The following MBP variants were observed in gnomAD, a reference collection of about 807,000 sequenced individuals.
MBP encodes myelin basic protein.
Under a neutral mutation model 35.8 loss-of-function variants are expected in MBP, and 16 were observed. The ratio of observed to expected loss-of-function variants is 0.45; its 90% CI spans 0.30 to 0.68. The LOEUF (loss-of-function observed/expected upper bound fraction) is 0.68, where lower values mean the gene tolerates loss of function less well. Ranked by LOEUF, MBP falls within the 30% of genes least tolerant of loss-of-function variation. The pLI is 0.08. For synonymous variants in MBP, 143 were observed against 159.6 expected, an observed-to-expected ratio of 0.90 and a Z score of 0.78; for missense variants, 380 against 404.7, an observed-to-expected ratio of 0.94 and a Z score of 0.52.
At chr18:77,086,613 G>C (rs956200516) in intron 2 of MBP, among the ~76,000 whole-genome samples, 1 of 152,178 alleles carries the variant, frequency 6.6e-6, no homozygotes, top group African/African-American at 2.4e-5. Flanking sequence ...GGGTTTCTCT[G>C]AGTTATTCAT....
rs141233365 is a variant in MBP at position 77,031,435 on chromosome 18, G to A, written c.140-14167C>T. Among the ~76,000 whole-genome samples the A allele has an allele frequency of 1.9e-3, 285 of 152,252 alleles. 3 individuals carry two copies. The highest frequency in any genetic ancestry group is 0.012 in the East Asian group (64 of 5,174). On this transcript the variant is annotated intron_variant, in intron 3 of 8. Coordinates refer to ENST00000355994, the MANE Select transcript of MBP (RefSeq NM_001025101.2). Reference sequence around the variant, plus strand: ...AGACACCTCCAATTCCCCTACAAGCGCAGATTTCAGGAACACGTGAAGAAA... The same window carrying A: ...AGACACCTCCAATTCCCCTACAAGCACAGATTTCAGGAACACGTGAAGAAA...
At chr18:77,053,753 G>C (rs1055037497) in intron 3 of MBP, among the ~76,000 whole-genome samples, 3 of 152,216 alleles carry the variant, frequency 2.0e-5, no homozygotes, top group African/African-American at 7.2e-5. Flanking sequence ...GCAGGGACGA[G>C]GGGTGTCCCA....
chr18:77,033,577 G>A (rs747068345), intron 3 of MBP, among the ~76,000 whole-genome samples: 28 of 151,674 alleles, frequency 1.8e-4, no homozygotes, highest in Admixed American at 2.6e-4. Context: ...TCATTTACCC[G>A]TCCACATATC....
At chr18:77,093,587 T>C (rs1031401621) in intron 2 of MBP, 7 of 152,214 alleles carry the variant, frequency 4.6e-5, no homozygotes, top group African/African-American at 1.7e-4. Context: ...TCAGGTGTGC[T>C]TTCCACCAAG....
At chr18:77,130,849 G>A (rs1023481097) in intron 1 of MBP, among the ~76,000 whole-genome samples, 2 of 151,448 alleles carry the variant, frequency 1.3e-5, no homozygotes, top group African/African-American at 4.9e-5. Flanking sequence ...TCTTATCTTT[G>A]GGCAGAACTG....
chr18:77,084,900 C>T (rs1008272675), intron 2 of MBP, among the ~76,000 whole-genome samples: 2 of 151,996 alleles, frequency 1.3e-5, no homozygotes, highest in East Asian at 1.9e-4. Context: ...TGGAAGCCAC[C>T]GCTCCATCAG....
At chr18:77,093,650 A>C (rs1975632770) in intron 2 of MBP, among the ~76,000 whole-genome samples, 1 of 152,140 alleles carries the variant, frequency 6.6e-6, no homozygotes, top group South Asian at 2.1e-4. Context: ...AACATTACTG[A>C]CTCAAAACGT....
At chr18:77,029,867 C>T (rs376937317) in intron 3 of MBP, among the ~76,000 whole-genome samples, 3 of 152,014 alleles carry the variant, frequency 2.0e-5, no homozygotes, top group Non-Finnish European at 2.9e-5. Flanking sequence ...AAATTTAGCC[C>T]GGAAACTAAT....
Position 76,979,114 on chromosome 18 carries a change from G to A in MBP, c.*1313C>T, listed in dbSNP as rs1969044554. On this transcript the variant is annotated 3_prime_UTR_variant, in exon 9 of 9. Transcript: ENST00000355994. ...GAATTGGATTAAGAAGACGCGTTTT[G>A]GCATCACGCTGACTACTCCTCATCT... 1 of 152,140 alleles carries A rather than the reference G, an allele frequency of 6.6e-6. No homozygotes were observed. Among genetic ancestry groups the A allele is most frequent in the African/African-American group, 2.4e-5 (1 of 41,422 alleles). 9.4% of individuals were successfully genotyped at this position (152,140 alleles called of 1,614,324 possible). A position where few individuals can be genotyped will look rare whatever the true frequency, so the allele number is the denominator to read the frequency against.
intron 3 of MBP, among the ~76,000 whole-genome samples, chr18:77,050,082 G>T (rs537099482): frequency 6.6e-6 from 1 of 152,108 alleles, no homozygotes; most frequent in Non-Finnish European, 1.5e-5. Flanking sequence ...CATTGCTGAC[G>T]TTCTTGGTAG....
At chr18:77,016,006 A>T in intron 4 of MBP, 1 of 985,438 alleles carries the variant, frequency 1.0e-6, no homozygotes, top group South Asian at 4.7e-5. Context: ...TTACACAACC[A>T]CCAAACACTC....
At chr18:77,093,926 TTACTGTAACCAGG>T (rs1199789874) in intron 2 of MBP, among the ~76,000 whole-genome samples, 3 of 152,130 alleles carry the variant, frequency 2.0e-5, no homozygotes, top group Non-Finnish European at 4.4e-5. Flanking sequence ...GGGGTTTTTC[TTACTGTAACCAGG>T]TTATTGACTA....
intron 2 of MBP, among the ~76,000 whole-genome samples, chr18:77,094,885 G>A (rs1348862385): frequency 6.6e-6 from 1 of 152,180 alleles, no homozygotes; most frequent in Non-Finnish European, 1.5e-5. Context: ...CTCGTTTCGT[G>A]TGCTGTGGGC....
chr18:77,014,737 T>A (rs1971533446), intron 4 of MBP: 2 of 985,370 alleles, frequency 2.0e-6, no homozygotes, highest in Non-Finnish European at 2.4e-6. Context: ...AGCAATCACA[T>A]CCCCACTGCG....
chr18:77,118,495 T>C (rs755214058), intron 1 of MBP, among the ~76,000 whole-genome samples: 6 of 151,850 alleles, frequency 4.0e-5, no homozygotes, highest in Non-Finnish European at 7.4e-5. Flanking sequence ...GCAGGAAATC[T>C]CCCGTGTGAG....
chr18:77,050,455 CA>C (rs56959623), intron 3 of MBP, among the ~76,000 whole-genome samples: 16,667 of 152,202 alleles, frequency 0.11, 1,725 homozygotes, highest in East Asian at 0.31. Context: ...TGTAGCTTGC[CA>C]CAGTATTAGC....
Position 76,980,384 on chromosome 18 carries a change from A to G in MBP, c.*43T>C. 6.3e-7 allele frequency: 1 copy of G among 1,579,692 alleles called. No individual in the cohort carries two copies. The highest frequency in any genetic ancestry group is 8.7e-7 in the Non-Finnish European group (1 of 1,148,754). On this transcript the variant is annotated 3_prime_UTR_variant, in exon 9 of 9. Transcript: ENST00000355994. ...GTGGGATTAAAGTTTTAAGGCAGTT[A>G]TATTAAGAAGCTGAGGACAGGATTC... is the stretch of plus-strand genomic sequence containing the variant.
chr18:77,110,858 T>A (rs1976425894), intron 1 of MBP, among the ~76,000 whole-genome samples: 2 of 152,216 alleles, frequency 1.3e-5, no homozygotes, highest in African/African-American at 2.4e-5. Flanking sequence ...ACCAGCAGGA[T>A]CCACTTGGGA....
At chr18:77,039,868 C>T (rs78187049) in intron 3 of MBP, among the ~76,000 whole-genome samples, 2,609 of 152,256 alleles carry the variant, frequency 0.017, 74 homozygotes, top group African/African-American at 0.059. Context: ...TCCGGTCACC[C>T]GAATACAGTT....
Sources: allele counts gnomAD v4.1 joint callset (sites outside exome capture counted in the v4.1 genomes callset), GRCh38; gene constraint gnomAD v4.1.1; transcripts MANE v1.5; gene names NCBI Gene and HGNC (gene_info 2026-07-23, HGNC 2026-07-21).